TPST2: variants seen among roughly 807,000 people sequenced by gnomAD.
The protein encoded by TPST2 is tyrosylprotein sulfotransferase 2.
Under a neutral mutation model 27.8 loss-of-function variants are expected in TPST2, and 16 were observed. That is an observed-to-expected ratio of 0.58 (90% confidence interval 0.39 to 0.88). The LOEUF is 0.88. TPST2 is among the 40% of genes least tolerant of loss of function. The probability of loss-of-function intolerance (pLI) is 0.00; values close to 1 mark genes in which losing one functional copy is unlikely to be tolerated. For missense variants in TPST2, 464 were observed against 543.1 expected (o/e 0.85, Z 1.45); for synonymous variants, 229 against 231.7 (o/e 0.99, Z 0.10).
chr22:26,569,591 A>G (rs572479222), intron 1 of TPST2, among the ~76,000 whole-genome samples: 66 of 152,078 alleles, frequency 4.3e-4, no homozygotes, highest in African/African-American at 1.6e-3. Flanking sequence ...GGAGGCTGCA[A>G]TGAGCCATGG....
chr22:26,550,419 A>C (rs1429689548), intron 1 of TPST2, among the ~76,000 whole-genome samples: 1 of 152,086 alleles, frequency 6.6e-6, no homozygotes, highest in East Asian at 1.9e-4. Flanking sequence ...TGACATTTGC[A>C]TTGAGACCAC....
chr22:26,552,992 G>A (rs1167152088), intron 1 of TPST2, among the ~76,000 whole-genome samples: 3 of 150,808 alleles, frequency 2.0e-5, no homozygotes, highest in Non-Finnish European at 4.4e-5. Context: ...CCCGGGAGGC[G>A]GAGGTTGCAG....
rs531281515 is a variant in TPST2, at chr22:26,566,625, G to A, written c.-160-21950C>T. On this transcript the variant is annotated intron_variant, in intron 1 of 6. Coordinates refer to ENST00000338754, the MANE Select transcript of TPST2 (RefSeq NM_003595.5). The stretch of plus-strand genomic sequence containing the variant: ...AAATCAGCTGGGCATGGTAGCAGGC[G>A]CCTGTAATCCCAGCTGCTCAGGAGG... 1.9e-4 allele frequency among the ~76,000 whole-genome samples: 29 copies of A among 151,996 alleles called. 1 individual carries two copies. The highest frequency in any genetic ancestry group is 1.4e-3 in the Admixed American group (21 of 15,256).
intron 3 of TPST2, among the ~76,000 whole-genome samples, chr22:26,540,218 C>A (rs1467445292): frequency 2.0e-5 from 3 of 152,186 alleles, no homozygotes; most frequent in South Asian, 4.1e-4. Context: ...AGTGGCAGAG[C>A]TGAGGTTTGA....
At position 26,540,838 on chromosome 22, in the gene TPST2, G is replaced by A. The variant is rs201879530; in HGVS notation, c.793C>T (p.Leu265Phe). Residue 265 changes from leucine (L) to phenylalanine (F), a missense_variant, in exon 3 of 7, where the codon CTC becomes TTC. Transcript: ENST00000338754. ...TTGCCAATGAGGTCTTCATGGTGGAGGACAGCGTCGCTCCAGGCGATGCCG... is the reference window on the plus strand; with the variant it reads ...TTGCCAATGAGGTCTTCATGGTGGAAGACAGCGTCGCTCCAGGCGATGCCG... Reference protein sequence around the residue: ...FLGIAWSDAVLHHEDLIGKPG... With the variant: ...FLGIAWSDAVFHHEDLIGKPG... The A allele has an allele frequency of 6.2e-7, 1 of 1,612,986 alleles. No homozygotes were observed. Among genetic ancestry groups the A allele is most frequent in the African/African-American group, 1.3e-5 (1 of 75,056 alleles).
chr22:26,586,844 T>C (rs1346095987), intron 1 of TPST2, among the ~76,000 whole-genome samples: 1 of 152,208 alleles, frequency 6.6e-6, no homozygotes, highest in Admixed American at 6.5e-5. Flanking sequence ...ACCTGAGTTC[T>C]TCCGGTGCAG....
chr22:26,551,012 C>T (rs1410592518), intron 1 of TPST2, among the ~76,000 whole-genome samples: 1 of 152,198 alleles, frequency 6.6e-6, no homozygotes, highest in Non-Finnish European at 1.5e-5. Context: ...CAGTGGCTCA[C>T]GCCAGGCATG....
chr22:26,532,811 C>T (rs1925243479), intron 4 of TPST2, 66 bp from the exon 5 acceptor site: 1 of 1,498,354 alleles, frequency 6.7e-7, no homozygotes, highest in South Asian at 1.2e-5. Context: ...TAGTCATTCC[C>T]AACACATCCA....
chr22:26,568,563 G>A lies in TPST2; in HGVS notation c.-161+21490C>T, dbSNP rs555788372. Among the ~76,000 whole-genome samples the A allele has an allele frequency of 2.5e-3, 378 of 152,294 alleles. 2 individuals carry two copies. The highest frequency in any genetic ancestry group is 8.5e-3 in the African/African-American group (354 of 41,570). Reference sequence around the variant, plus strand: ...AAAGTGACCTCTGGTCATCCTCACTGCTCATTATAGGCCAATTATAATGCA... The same window carrying A: ...AAAGTGACCTCTGGTCATCCTCACTACTCATTATAGGCCAATTATAATGCA... On this transcript the variant is annotated intron_variant, in intron 1 of 6. Transcript: ENST00000338754.
In TPST2 at chr22:26,528,227, G is replaced by A. The variant is rs1250023376; in HGVS notation, c.1128C>T (p.Ser376=). Residue 376 remains serine (S), a synonymous_variant, in exon 6 of 7, where the codon AGC becomes AGT. Coordinates refer to ENST00000338754, the MANE Select transcript of TPST2 (RefSeq NM_003595.5). ...NQNSTSSHLG[S]S ...CCACAGGCTTACCTGGAAATCACGAGCTTCCTAAGTGGGAGGAGGTGCTGT... is the reference window on the plus strand; with the variant it reads ...CCACAGGCTTACCTGGAAATCACGAACTTCCTAAGTGGGAGGAGGTGCTGT... 5 of 1,564,340 alleles carry A rather than the reference G, an allele frequency of 3.2e-6. No individual in the cohort carries two copies. Among genetic ancestry groups the A allele is most frequent in the South Asian group, 1.2e-5 (1 of 85,230 alleles).
At position 26,523,365 on chromosome 22, in the gene TPST2, T is replaced by C. The variant is rs1295489815; in HGVS notation, c.*2910A>G. 1 of 152,184 alleles carries C rather than the reference T, an allele frequency of 6.6e-6. No individual in the cohort carries two copies. The highest frequency in any genetic ancestry group is 2.4e-5 in the African/African-American group (1 of 41,456). 9.4% of individuals were successfully genotyped at this position (152,184 alleles called of 1,614,324 possible). A position where few individuals can be genotyped will look rare whatever the true frequency, so the allele number is the denominator to read the frequency against. The stretch of plus-strand genomic sequence containing the variant: ...ATGGTAGCATTACCTTTAGGAGCTA[T>C]TGAGAGGAAGTACAAATAGAGCCAC... On this transcript the variant is annotated 3_prime_UTR_variant, in exon 7 of 7. Transcript: ENST00000338754.
At chr22:26,555,453 C>T (rs1021550978) in intron 1 of TPST2, 5 of 353,122 alleles carry the variant, frequency 1.4e-5, no homozygotes, top group African/African-American at 1.1e-4. Flanking sequence ...GACTTCTTGT[C>T]TCTGAGCCTC....
intron 1 of TPST2, among the ~76,000 whole-genome samples, chr22:26,555,525 GAGC>G (rs1185032396): frequency 6.6e-6 from 1 of 152,238 alleles, no homozygotes; most frequent in Non-Finnish European, 1.5e-5. Context: ...CTACCTTGTG[GAGC>G]TGTTGTGAAG....
chr22:26,564,814 T>C (rs1045497909), intron 1 of TPST2, among the ~76,000 whole-genome samples: 1 of 152,166 alleles, frequency 6.6e-6, no homozygotes, highest in African/African-American at 2.4e-5. Context: ...CACTGAGTTA[T>C]AGCCATGGAA....
rs1924764605 is a variant in TPST2, at chr22:26,525,262, GCT to G, written c.*1011_*1012del. 1 of 152,224 alleles carries G rather than the reference GCT, an allele frequency of 6.6e-6. No homozygotes were observed. The highest frequency in any genetic ancestry group is 2.1e-4 in the South Asian group (1 of 4,830). The allele number at this position is 152,224 out of a possible 1,614,324, so 9.4% of individuals were successfully genotyped here. On this transcript the variant is annotated 3_prime_UTR_variant, in exon 7 of 7. Transcript: ENST00000338754. ...TGATTTTATTTTGAGATGGAGTCTT[GCT>G]CTGTCACCCAGGCTGGAGTATAATG...
chr22:26,565,061 T>TGTCACCTGTGGGCATCAG (rs1278588749), intron 1 of TPST2, among the ~76,000 whole-genome samples: 8 of 152,176 alleles, frequency 5.3e-5, no homozygotes, highest in Non-Finnish European at 1.2e-4. Flanking sequence ...CAGGAAGACC[T>TGTCACCTGTGGGCATCAG]GTCACCTGTG....
In TPST2 at chr22:26,582,660, T is replaced by C. The variant is rs566203640; in HGVS notation, c.-161+7393A>G. 2.0e-5 allele frequency among the ~76,000 whole-genome samples: 3 copies of C among 152,264 alleles called. No individual in the cohort carries two copies. The East Asian group carries it at 5.8e-4, about 29-fold the overall frequency. Reference sequence around the variant, plus strand: ...TTAAATCTTGCACCCCAACATCCAGTTGAGGGTTCTCATGTGTCCTTATTC... The same window carrying C: ...TTAAATCTTGCACCCCAACATCCAGCTGAGGGTTCTCATGTGTCCTTATTC... On this transcript the variant is annotated intron_variant, in intron 1 of 6. Coordinates refer to ENST00000338754, the MANE Select transcript of TPST2 (RefSeq NM_003595.5).
At chr22:26,554,767 G>A (rs1926694739) in intron 1 of TPST2, among the ~76,000 whole-genome samples, 2 of 152,168 alleles carry the variant, frequency 1.3e-5, no homozygotes, top group African/African-American at 2.4e-5. Flanking sequence ...GTGAAACCCC[G>A]TCTCTGCCAA....
chr22:26,531,253 G>A (rs1297376515), intron 5 of TPST2, among the ~76,000 whole-genome samples: 1 of 152,136 alleles, frequency 6.6e-6, no homozygotes, highest in Non-Finnish European at 1.5e-5. Flanking sequence ...CATTCTGGAT[G>A]TTGTAAAAAC....
Sources: gnomAD v4.1 joint callset for allele counts (sites outside exome capture counted in the v4.1 genomes callset) on GRCh38, gnomAD v4.1.1 for gene constraint, MANE v1.5 for transcripts, NCBI Gene and HGNC (gene_info 2026-07-23, HGNC 2026-07-21) for gene names.